The following HP1BP3 variants were observed in gnomAD, a reference collection of about 807,000 sequenced individuals.
HP1BP3 encodes the protein heterochromatin protein 1-binding protein 3.
In HP1BP3, 12 loss-of-function variants were observed where a neutral mutation model predicts 62.5. The observed-to-expected ratio is 0.19, with a 90% CI of 0.12 to 0.31. The LOEUF is 0.31. Ranked by LOEUF, HP1BP3 falls within the 10% of genes least tolerant of loss-of-function variation. The pLI is 1.00. For synonymous variants in HP1BP3, 260 were observed against 237.8 expected (o/e 1.09, Z -0.86); for missense variants, 502 against 651.8 (o/e 0.77, Z 2.50).
intron 4 of HP1BP3, chr1:20,775,657 C>T (rs567677866): frequency 1.4e-5 from 3 of 216,106 alleles, no homozygotes; most frequent in African/African-American, 2.3e-5. Flanking sequence ...CACAGGTATA[C>T]CATTTTTTAT....
At chr1:20,758,993 C>G (rs920141812) in intron 8 of HP1BP3, among the ~76,000 whole-genome samples, 24 of 152,004 alleles carry the variant, frequency 1.6e-4, no homozygotes, top group Non-Finnish European at 3.1e-4. Context: ...CCAAATACAA[C>G]GTGTGGGCCA....
At position 20,778,472 on chromosome 1, in the gene HP1BP3, T is replaced by C. The variant is rs1436328156; in HGVS notation, c.196+1340A>G. Among the ~76,000 whole-genome samples the C allele has an allele frequency of 2.6e-4, 39 of 152,246 alleles. 1 individual carries two copies. The highest frequency in any genetic ancestry group is 2.6e-3 in the Admixed American group (39 of 15,282). On this transcript the variant is annotated intron_variant, in intron 3 of 12. Coordinates refer to ENST00000438032, the MANE Select transcript of HP1BP3 (RefSeq NM_001372052.1). ...CTTTACATCTGAACCCTCTGGCATA[T>C]ATTCTGAAAACTGATGTTATTAGTG...
intron 10 of HP1BP3, among the ~76,000 whole-genome samples, chr1:20,748,274 T>C (rs568883007): frequency 2.4e-4 from 36 of 152,370 alleles, no homozygotes; most frequent in Non-Finnish European, 4.3e-4. Context: ...TAATTATTCA[T>C]AAATCAGTAA....
chr1:20,778,300 T>C (rs371576179), intron 3 of HP1BP3, among the ~76,000 whole-genome samples: 7 of 152,330 alleles, frequency 4.6e-5, no homozygotes, highest in African/African-American at 1.2e-4. Flanking sequence ...GTGTAAAACA[T>C]AGAGTTTACA....
intron 4 of HP1BP3, chr1:20,774,640 T>C (rs1381773480): frequency 6.6e-6 from 1 of 152,124 alleles, no homozygotes; most frequent in Non-Finnish European, 1.5e-5. Context: ...ACTCACTTGT[T>C]TGTGGTGACA....
chr1:20,778,250 G>A (rs1334156745), intron 3 of HP1BP3, among the ~76,000 whole-genome samples: 2 of 152,186 alleles, frequency 1.3e-5, no homozygotes, highest in African/African-American at 2.4e-5. Flanking sequence ...TATGTATTAT[G>A]TATAAGACTG....
intron 12 of HP1BP3, 143 bp from the exon 13 acceptor site, chr1:20,745,234 G>T (rs1023069168): frequency 1.1e-6 from 1 of 943,546 alleles, no homozygotes; most frequent in Non-Finnish European, 1.5e-6. Flanking sequence ...TTTTACTAGA[G>T]ATTTTACTAA....
At chr1:20,776,201 C>T (rs928499915) in intron 4 of HP1BP3, 6 of 488,572 alleles carry the variant, frequency 1.2e-5, no homozygotes, top group African/African-American at 8.0e-5. Context: ...AACATAAGCA[C>T]ACAAAAACAA....
At chr1:20,751,170 G>A (rs1211735284) in intron 9 of HP1BP3, among the ~76,000 whole-genome samples, 2 of 151,766 alleles carry the variant, frequency 1.3e-5, no homozygotes, top group Non-Finnish European at 2.9e-5. Flanking sequence ...TCTCTAGCTT[G>A]CTTTATTATA....
intron 9 of HP1BP3, among the ~76,000 whole-genome samples, chr1:20,751,707 A>C (rs988945760): frequency 6.6e-6 from 1 of 151,934 alleles, no homozygotes; most frequent in East Asian, 1.9e-4. Flanking sequence ...TGAGTGACAG[A>C]CCAAGACTCT....
chr1:20,786,206 C>T (rs1167292045), intron 1 of HP1BP3: 1 of 152,354 alleles, frequency 6.6e-6, no homozygotes, highest in Non-Finnish European at 1.5e-5. Flanking sequence ...CTGCCTCCAT[C>T]TCTTACAAAC....
chr1:20,771,887 T>C (rs1022658801), intron 5 of HP1BP3, among the ~76,000 whole-genome samples: 8 of 152,242 alleles, frequency 5.3e-5, no homozygotes, highest in Admixed American at 1.3e-4. Flanking sequence ...GTAGCACTTA[T>C]TCATTCTCAT....
intron 4 of HP1BP3, chr1:20,776,024 A>T (rs1448599149): frequency 2.7e-6 from 4 of 1,490,350 alleles, no homozygotes; most frequent in South Asian, 2.7e-5. Flanking sequence ...AAAAAAAAAA[A>T]AAAATTAAAA....
At position 20,744,612 on chromosome 1, in the gene HP1BP3, A is replaced by T. The variant is rs2154539379; in HGVS notation, c.*185T>A. On this transcript the variant is annotated 3_prime_UTR_variant, in exon 13 of 13. Transcript: ENST00000438032. ...AATTAAAATGAACAAGGAAAAGGGCAGGCACCAATAAAAGCACCTAAAGCT... is the reference window on the plus strand; with the variant it reads ...AATTAAAATGAACAAGGAAAAGGGCTGGCACCAATAAAAGCACCTAAAGCT... 3.4e-6 allele frequency: 2 copies of T among 590,930 alleles called. No individual in the cohort carries two copies. Among genetic ancestry groups the T allele is most frequent in the Non-Finnish European group, 3.0e-6 (1 of 338,928 alleles). 36.6% of individuals were successfully genotyped at this position (590,930 alleles called of 1,614,324 possible).
intron 8 of HP1BP3, among the ~76,000 whole-genome samples, chr1:20,763,967 C>T (rs2056628134): frequency 6.6e-6 from 1 of 151,790 alleles, no homozygotes; most frequent in South Asian, 2.1e-4. Context: ...GCTAGGATTA[C>T]AGGCGTGAGC....
Position 20,741,700 on chromosome 1 carries a change from C to A in HP1BP3, c.*3097G>T, listed in dbSNP as rs1220967527. Among the ~76,000 whole-genome samples the A allele has an allele frequency of 1.3e-5, 2 of 152,198 alleles. No homozygotes were observed. Among genetic ancestry groups the A allele is most frequent in the Non-Finnish European group, 2.9e-5 (2 of 68,042 alleles). On this transcript the variant is annotated 3_prime_UTR_variant, in exon 13 of 13. Transcript: ENST00000438032. ...GAAGCCAACAATCTCTCTCCCAGCA[C>A]TTTCTGAGACTCATTTATCAAAGGT... is the stretch of plus-strand genomic sequence containing the variant.
chr1:20,753,271 T>A (rs1360966455), intron 9 of HP1BP3, among the ~76,000 whole-genome samples: 1 of 152,208 alleles, frequency 6.6e-6, no homozygotes, highest in African/African-American at 2.4e-5. Context: ...AAGAAATAAC[T>A]GACAGCTAAC....
chr1:20,773,600 G>C lies in HP1BP3; in HGVS notation c.361C>G (p.Gln121Glu). The C allele has an allele frequency of 6.3e-7, 1 of 1,596,142 alleles. No individual in the cohort carries two copies. Among genetic ancestry groups the C allele is most frequent in the Non-Finnish European group, 8.5e-7 (1 of 1,169,876 alleles). ...SEETKKDEKD[Q>E]SKEKEKKVKK... is the part of the protein sequence containing the mutation. ...ACTTTCTTCTCCTTTTCTTTAGACT[G>C]ATCTTTCTCACTTTAAAACAAAGAA... is the stretch of plus-strand genomic sequence containing the variant. The change falls in exon 5 of 13, where the codon CAG becomes GAG. Residue 121 changes from glutamine (Q) to glutamate (E), a missense_variant. Gln to Glu is a conservative substitution (Grantham distance 29). This residue lies in a region of HP1BP3 where 165 missense variants were observed against 156.4 expected (regional missense o/e 1.05). Coordinates refer to ENST00000438032, the MANE Select transcript of HP1BP3 (RefSeq NM_001372052.1).
At chr1:20,770,758 C>T (rs1035712837) in intron 6 of HP1BP3, among the ~76,000 whole-genome samples, 172 bp downstream of exon 6, 1 of 152,130 alleles carries the variant, frequency 6.6e-6, no homozygotes, top group Non-Finnish European at 1.5e-5. Flanking sequence ...TTAATGGCAC[C>T]AGCATTTTCG....
Sources: allele counts gnomAD v4.1 joint callset (sites outside exome capture counted in the v4.1 genomes callset), GRCh38; gene constraint gnomAD v4.1.1; regional missense constraint gnomAD v4.1.1; transcripts MANE v1.5; gene names NCBI Gene and HGNC (gene_info 2026-07-23, HGNC 2026-07-21).